MTURN: variants seen among roughly 807,000 people sequenced by gnomAD.
MTURN encodes the protein maturin.
MTURN carries 7 observed loss-of-function variants against 14.9 expected under a neutral mutation model. That is an observed-to-expected ratio of 0.47 (90% confidence interval 0.27 to 0.88). The LOEUF is 0.88. MTURN is among the 40% of genes least tolerant of loss of function. The pLI is 0.14. For missense variants in MTURN, 151 were observed against 174.1 expected, an observed-to-expected ratio of 0.87 and a Z score of 0.75; for synonymous variants, 69 against 72.5, an observed-to-expected ratio of 0.95 and a Z score of 0.25.
At chr7:30,153,599 T>C (rs1797242724) in intron 2 of MTURN, among the ~76,000 whole-genome samples, 2 of 152,190 alleles carry the variant, frequency 1.3e-5, no homozygotes, top group Non-Finnish European at 2.9e-5. Flanking sequence ...TCAGGTCTTA[T>C]CTGTAAAAGG....
intron 2 of MTURN, among the ~76,000 whole-genome samples, chr7:30,152,881 G>A (rs1234216854): frequency 6.6e-6 from 1 of 152,186 alleles, no homozygotes; most frequent in Admixed American, 6.5e-5. Context: ...CCTTTCTGGT[G>A]CAACCTGTTT....
intron 2 of MTURN, 147 bp from the exon 3 acceptor site, chr7:30,157,291 T>C: frequency 5.6e-6 from 3 of 531,184 alleles, no homozygotes; most frequent in Non-Finnish European, 9.6e-6. Flanking sequence ...AACAAGTTTA[T>C]GAAAATCATT....
intron 2 of MTURN, among the ~76,000 whole-genome samples, chr7:30,146,549 TG>T (rs568761311): frequency 1.3e-5 from 2 of 151,514 alleles, no homozygotes; most frequent in South Asian, 2.1e-4. Flanking sequence ...GAATCCCTGA[TG>T]GGGGGGGAAG....
At chr7:30,135,986 G>T (rs1476102197) in intron 1 of MTURN, among the ~76,000 whole-genome samples, 1 of 150,550 alleles carries the variant, frequency 6.6e-6, no homozygotes, top group Admixed American at 6.6e-5. Flanking sequence ...ACACACACAT[G>T]CTCACACCCT....
intron 1 of MTURN, among the ~76,000 whole-genome samples, chr7:30,138,656 C>T (rs1318196699): frequency 2.0e-5 from 3 of 151,916 alleles, no homozygotes; most frequent in African/African-American, 7.3e-5. Flanking sequence ...GACTCTAAGC[C>T]ACTGTCTACC....
At chr7:30,142,836 C>T (rs577613800) in intron 1 of MTURN, among the ~76,000 whole-genome samples, 191 of 152,334 alleles carry the variant, frequency 1.3e-3, no homozygotes, top group Middle Eastern at 3.4e-3. Context: ...CAGTACTTTC[C>T]GTACCCAGAT....
intron 1 of MTURN, among the ~76,000 whole-genome samples, chr7:30,139,196 A>T (rs1386343696): frequency 6.6e-6 from 1 of 152,214 alleles, no homozygotes; most frequent in African/African-American, 2.4e-5. Context: ...GACATGTCAA[A>T]TGTCAAGAAT....
intron 2 of MTURN, among the ~76,000 whole-genome samples, chr7:30,156,692 G>A (rs1415028453): frequency 2.0e-5 from 3 of 152,094 alleles, no homozygotes; most frequent in Non-Finnish European, 4.4e-5. Context: ...GGGCATGGTG[G>A]TGTGCGTCTG....
At chr7:30,140,793 A>G (rs10260668) in intron 1 of MTURN, 111,609 of 152,076 alleles carry the variant, frequency 0.73, 41,836 homozygotes, top group East Asian at 0.94. Flanking sequence ...AGTTACGTCA[A>G]TACAAGCTCA....
At chr7:30,141,715 A>C (rs547431735) in intron 1 of MTURN, among the ~76,000 whole-genome samples, 1 of 152,140 alleles carries the variant, frequency 6.6e-6, no homozygotes, top group South Asian at 2.1e-4. Flanking sequence ...TGGAGACTGG[A>C]GTCTTGCTCT....
chr7:30,145,408 C>G (rs1201118799), intron 1 of MTURN, among the ~76,000 whole-genome samples: 2 of 151,972 alleles, frequency 1.3e-5, no homozygotes, highest in South Asian at 2.1e-4. Flanking sequence ...ATGGGAGGGT[C>G]ACTTGAATCT....
intron 1 of MTURN, among the ~76,000 whole-genome samples, chr7:30,135,656 G>T (rs1299585221): frequency 6.6e-6 from 1 of 152,154 alleles, no homozygotes; most frequent in Admixed American, 6.5e-5. Flanking sequence ...CATCCCTGGG[G>T]TGTGGGTGTC....
At chr7:30,139,856 C>G (rs557193716) in intron 1 of MTURN, among the ~76,000 whole-genome samples, 239 of 152,338 alleles carry the variant, frequency 1.6e-3, no homozygotes, top group African/African-American at 5.5e-3. Flanking sequence ...TCTGTGGGCC[C>G]CATGATCAGG....
At chr7:30,151,629 TTGCTTCCTCGAG>T (rs1489210971) in intron 2 of MTURN, among the ~76,000 whole-genome samples, 4 of 152,224 alleles carry the variant, frequency 2.6e-5, no homozygotes, top group African/African-American at 9.6e-5. Context: ...CAAGGAACTA[TTGCTTCCTCGAG>T]TGTGTTCTTC....
intron 2 of MTURN, among the ~76,000 whole-genome samples, chr7:30,148,575 C>G (rs1280953676): frequency 3.3e-5 from 5 of 152,154 alleles, no homozygotes; most frequent in Non-Finnish European, 1.5e-5. Context: ...ATAGTGGTGG[C>G]CTGGACTGGG....
At position 30,157,688 on chromosome 7, in the gene MTURN, T is replaced by G. The variant is rs1797308513; in HGVS notation, c.*140T>G. 2.0e-6 allele frequency: 1 copy of G among 496,356 alleles called. No homozygotes were observed. Among genetic ancestry groups the G allele is most frequent in the Non-Finnish European group, 3.5e-6 (1 of 287,780 alleles). The allele number at this position is 496,356 out of a possible 1,614,324, so 30.7% of individuals were successfully genotyped here. On this transcript the variant is annotated 3_prime_UTR_variant, in exon 3 of 3. Transcript: ENST00000324453. ...AGCATCCAAATTAAAATGAAATACC[T>G]TTTTAACGACCACAAAATATCTGTG... is the stretch of plus-strand genomic sequence containing the variant.
chr7:30,135,102 G>A lies in MTURN; in HGVS notation c.-35G>A. On this transcript the variant is annotated 5_prime_UTR_variant, in exon 1 of 3. Coordinates refer to ENST00000324453, the MANE Select transcript of MTURN (RefSeq NM_152793.3). Reference sequence around the variant, plus strand: ...GGAGGAGGGCGCCTAGGAGCGGGAGGGCGGGCGGCGGCGGGAGGCGGGCGC... The same window carrying A: ...GGAGGAGGGCGCCTAGGAGCGGGAGAGCGGGCGGCGGCGGGAGGCGGGCGC... The A allele has an allele frequency of 7.1e-7, 1 of 1,401,242 alleles. No individual in the cohort carries two copies. The highest frequency in any genetic ancestry group is 3.6e-5 in the East Asian group (1 of 27,792). The allele number at this position is 1,401,242 out of a possible 1,614,324, so 86.8% of individuals were successfully genotyped here. A position where few individuals can be genotyped will look rare whatever the true frequency, so the allele number is the denominator to read the frequency against.
intron 1 of MTURN, among the ~76,000 whole-genome samples, chr7:30,135,795 T>C (rs1252706580): frequency 6.6e-6 from 1 of 152,134 alleles, no homozygotes; most frequent in Non-Finnish European, 1.5e-5. Flanking sequence ...CAGCCTCGGC[T>C]CCTCGCATTG....
chr7:30,145,829 C>G, intron 1 of MTURN: 1 of 1,535,140 alleles, frequency 6.5e-7, no homozygotes, highest in East Asian at 2.4e-5. Context: ...GCTCTGGTTT[C>G]TCCTTCCCCA....
Sources: gnomAD v4.1 joint callset for allele counts (sites outside exome capture counted in the v4.1 genomes callset) on GRCh38, gnomAD v4.1.1 for gene constraint, MANE v1.5 for transcripts, NCBI Gene and HGNC (gene_info 2026-07-23, HGNC 2026-07-21) for gene names.